Variants in VPS13D observed in about 807,000 individuals in gnomAD.
VPS13D encodes intermembrane lipid transfer protein VPS13D.
VPS13D carries 187 observed loss-of-function variants against 461.9 expected under a neutral mutation model. The observed-to-expected ratio is 0.40, with a 90% CI of 0.36 to 0.46. The LOEUF is 0.46. Among genes scored for constraint, VPS13D ranks in the 20% least tolerant of loss-of-function variants. The probability of loss-of-function intolerance (pLI) is 0.60; values close to 1 mark genes in which losing one functional copy is unlikely to be tolerated. For synonymous variants in VPS13D, 1,951 were observed against 1,986.3 expected (o/e 0.98, Z 0.47); for missense variants, 4,711 against 5,364.9 (o/e 0.88, Z 3.81).
At chr1:12,383,494 T>G (rs1322165892) in intron 58 of VPS13D, among the ~76,000 whole-genome samples, 2 of 152,162 alleles carry the variant, frequency 1.3e-5, no homozygotes, top group Non-Finnish European at 1.5e-5. Context: ...CAAGAAGATA[T>G]GAGATCCTTA....
chr1:12,441,093 T>G (rs1046396513), intron 65 of VPS13D, among the ~76,000 whole-genome samples: 6 of 151,964 alleles, frequency 3.9e-5, no homozygotes, highest in Admixed American at 2.6e-4. Flanking sequence ...GCCCGGCTAA[T>G]TTTTGTAATT....
intron 32 of VPS13D, 135 bp downstream of exon 32, chr1:12,319,765 C>T (rs910009105): frequency 1.5e-6 from 2 of 1,301,008 alleles, no homozygotes; most frequent in Non-Finnish European, 2.1e-6. Context: ...CTCTTTTCCT[C>T]TTTGTTTTCT....
Position 12,282,167 on chromosome 1 carries a change from C to T in VPS13D, c.4603-538C>T, listed in dbSNP as rs547912299. Among the ~76,000 whole-genome samples, 8 of 152,216 alleles carry T rather than the reference C, an allele frequency of 5.3e-5. No individual in the cohort carries two copies. In the South Asian group the frequency reaches 1.0e-3, roughly 20 times the overall value. ...CCTCTCAAAGGGCTGGGATTACAGACGTGAGCCACTGTGCCTGGCTGAAAA... is the reference window on the plus strand; with the variant it reads ...CCTCTCAAAGGGCTGGGATTACAGATGTGAGCCACTGTGCCTGGCTGAAAA... On this transcript the variant is annotated intron_variant, in intron 20 of 69. Transcript: ENST00000620676.
At chr1:12,504,187 T>A (rs1004799076) in intron 68 of VPS13D, among the ~76,000 whole-genome samples, 30 of 152,000 alleles carry the variant, frequency 2.0e-4, no homozygotes, top group African/African-American at 7.0e-4. Flanking sequence ...ATAATAACGA[T>A]GATGATGCAA....
At chr1:12,480,731 G>A (rs1645704177) in intron 67 of VPS13D, among the ~76,000 whole-genome samples, 1 of 152,184 alleles carries the variant, frequency 6.6e-6, no homozygotes, top group Non-Finnish European at 1.5e-5. Flanking sequence ...CCATGAGGTA[G>A]CCAGATGATT....
At chr1:12,369,132 A>G (rs1411324259) in intron 53 of VPS13D, among the ~76,000 whole-genome samples, 1 of 152,158 alleles carries the variant, frequency 6.6e-6, no homozygotes. Context: ...GAAAGATGCC[A>G]TTGGAAGGAT....
chr1:12,506,841 C>T lies in VPS13D; in HGVS notation c.12795-12C>T. 2 of 1,612,682 alleles carry T rather than the reference C, an allele frequency of 1.2e-6. No homozygotes were observed. Among genetic ancestry groups the T allele is most frequent in the Non-Finnish European group, 1.7e-6 (2 of 1,178,878 alleles). On this transcript the variant is annotated splice_polypyrimidine_tract_variant and intron_variant, in intron 68 of 69. Transcript: ENST00000620676. ...CCAGGTGTCACTCCTGTGTTCCCGTCTCGCTTTGCAGCTTCATCGCTGTGG... is the reference window on the plus strand; with the variant it reads ...CCAGGTGTCACTCCTGTGTTCCCGTTTCGCTTTGCAGCTTCATCGCTGTGG...
intron 67 of VPS13D, among the ~76,000 whole-genome samples, chr1:12,493,745 GA>G (rs2100530822): frequency 6.6e-6 from 1 of 152,326 alleles, no homozygotes; most frequent in African/African-American, 2.4e-5. Context: ...TACGAGGTTT[GA>G]AAACACTAGC....
intron 32 of VPS13D, 112 bp downstream of exon 32, chr1:12,319,742 GA>G (rs2101524563): frequency 6.8e-7 from 1 of 1,480,648 alleles, no homozygotes; most frequent in South Asian, 1.3e-5. Flanking sequence ...AATGAAATTG[GA>G]AGACCCTTGC....
At chr1:12,362,637 CTG>C (rs1159985305) in intron 50 of VPS13D, 81 bp from the exon 51 acceptor site, 3 of 1,334,728 alleles carry the variant, frequency 2.2e-6, no homozygotes, top group Non-Finnish European at 3.1e-6. Context: ...AACTAAGTAA[CTG>C]TGAAGGTTAT....
intron 52 of VPS13D, among the ~76,000 whole-genome samples, chr1:12,365,383 A>G (rs1461290158): frequency 1.3e-5 from 2 of 152,172 alleles, no homozygotes; most frequent in African/African-American, 2.4e-5. Context: ...GTCCCTGAAC[A>G]TGGGAAGTCT....
chr1:12,249,422 T>C (rs909308780), intron 6 of VPS13D, 83 bp downstream of exon 6: 7 of 1,069,708 alleles, frequency 6.5e-6, no homozygotes, highest in Admixed American at 4.6e-5. Flanking sequence ...TTTTGTGTTA[T>C]GTAAATGAAT....
chr1:12,476,581 T>A (rs1645634047), intron 67 of VPS13D, among the ~76,000 whole-genome samples: 1 of 152,244 alleles, frequency 6.6e-6, no homozygotes, highest in Non-Finnish European at 1.5e-5. Flanking sequence ...ACCCTGAACA[T>A]GTATATGAAT....
At chr1:12,318,450 A>C in intron 31 of VPS13D, 113 bp downstream of exon 31, 1 of 1,357,342 alleles carries the variant, frequency 7.4e-7, no homozygotes, top group Non-Finnish European at 1.0e-6. Flanking sequence ...GCACTTACAC[A>C]TTTGCCTCTT....
chr1:12,319,001 A>G (rs114117112), intron 31 of VPS13D, among the ~76,000 whole-genome samples: 1,731 of 152,352 alleles, frequency 0.011, 7 homozygotes, highest in Non-Finnish European at 0.02. Flanking sequence ...TATTAAATAT[A>G]TACACATAAG....
intron 54 of VPS13D, 35 bp downstream of exon 54, chr1:12,369,737 A>G: frequency 6.9e-6 from 11 of 1,588,000 alleles, no homozygotes; most frequent in Non-Finnish European, 9.5e-6. Flanking sequence ...CCTATAAAGC[A>G]GAAGGTTCTA....
rs1384654005 is a variant in VPS13D at position 12,510,581 on chromosome 1, G to A, written c.*1557G>A. On this transcript the variant is annotated 3_prime_UTR_variant, in exon 70 of 70. Coordinates refer to ENST00000620676, the MANE Select transcript of VPS13D (RefSeq NM_015378.4). ...CGCGCGCGCGCGTGCATGCAGAGAGGAAGGAAGGGAGCTTTAGCACAAGTA... is the reference window on the plus strand; with the variant it reads ...CGCGCGCGCGCGTGCATGCAGAGAGAAAGGAAGGGAGCTTTAGCACAAGTA... The A allele has an allele frequency of 6.5e-6, 1 of 153,086 alleles. No homozygotes were observed. Among genetic ancestry groups the A allele is most frequent in the Non-Finnish European group, 1.5e-5 (1 of 68,938 alleles). The allele number at this position is 153,086 out of a possible 1,614,324, so 9.5% of individuals were successfully genotyped here. A position where few individuals can be genotyped will look rare whatever the true frequency, so the allele number is the denominator to read the frequency against.
intron 68 of VPS13D, 30 bp from the exon 69 acceptor site, chr1:12,506,822 GT>G: frequency 1.9e-6 from 3 of 1,605,622 alleles, no homozygotes; most frequent in Non-Finnish European, 2.6e-6. Context: ...AGCCCCAGGT[GT>G]CACTCCTGTG....
At chr1:12,231,998 A>G (rs901167706) in intron 1 of VPS13D, among the ~76,000 whole-genome samples, 3 of 152,124 alleles carry the variant, frequency 2.0e-5, no homozygotes, top group Non-Finnish European at 4.4e-5. Flanking sequence ...CTGTCTCCAG[A>G]AAAAAAAGTT....
Sources: allele counts gnomAD v4.1 joint callset (sites outside exome capture counted in the v4.1 genomes callset), GRCh38; gene constraint gnomAD v4.1.1; transcripts MANE v1.5; gene names NCBI Gene and HGNC (gene_info 2026-07-23, HGNC 2026-07-21).